The following PACRG variants were observed in gnomAD, a reference collection of about 807,000 sequenced individuals.
PACRG encodes parkin coregulated gene protein.
PACRG carries 29 observed loss-of-function variants against 29.7 expected under a neutral mutation model. The ratio of observed to expected loss-of-function variants is 0.98; its 90% CI spans 0.73 to 1.33. PACRG has a LOEUF of 1.33. Ranked by LOEUF, PACRG falls within the 40% of genes most tolerant of loss-of-function variation. The pLI, the probability that PACRG is intolerant of heterozygous loss-of-function variation, is 0.00. For synonymous variants in PACRG, 116 were observed against 118.7 expected (o/e 0.98, Z 0.15); for missense variants, 279 against 316.2 (o/e 0.88, Z 0.89).
chr6:163,192,653 CTT>C (rs60416074), intron 4 of PACRG, among the ~76,000 whole-genome samples: 1 of 151,968 alleles, frequency 6.6e-6, no homozygotes, highest in African/African-American at 2.4e-5. Flanking sequence ...ATTTTAAATA[CTT>C]TTTTTTATCA....
intron 4 of PACRG, among the ~76,000 whole-genome samples, chr6:163,227,079 TA>T (rs1469564027): frequency 6.6e-6 from 1 of 152,172 alleles, no homozygotes; most frequent in African/African-American, 2.4e-5. Flanking sequence ...CTGCTTGTAT[TA>T]GGCCATTCTT....
intron 2 of PACRG, among the ~76,000 whole-genome samples, chr6:162,919,028 G>A (rs1242104779): frequency 6.6e-6 from 1 of 152,120 alleles, no homozygotes; most frequent in Non-Finnish European, 1.5e-5. Flanking sequence ...TTGACCTAGA[G>A]GGGATGAAGC....
intron 2 of PACRG, among the ~76,000 whole-genome samples, chr6:162,944,132 C>A (rs9347709): frequency 0.66 from 100,141 of 152,100 alleles, 33,140 homozygotes; most frequent in East Asian, 0.79. Context: ...CCTACCTGTC[C>A]TCCTTATCTC....
rs568644577 is a variant in PACRG at position 163,206,555 on chromosome 6, G to C, written c.614-108272G>C. Among the ~76,000 whole-genome samples the C allele has an allele frequency of 3.3e-5, 5 of 152,272 alleles. No homozygotes were observed. The South Asian group carries it at 1.0e-3, about 32-fold the overall frequency. The stretch of plus-strand genomic sequence containing the variant: ...AGGCTTCAGGGATTACTTGAGGCTG[G>C]AGGCTGGGAGAAGGGAGAGGATCAA... On this transcript the variant is annotated intron_variant, in intron 4 of 4. Coordinates refer to ENST00000366888, the MANE Select transcript of PACRG (RefSeq NM_001080379.2).
intron 2 of PACRG, among the ~76,000 whole-genome samples, chr6:163,017,766 T>C (rs1436195597): frequency 6.6e-6 from 1 of 152,200 alleles, no homozygotes; most frequent in Non-Finnish European, 1.5e-5. Context: ...AGAGAGTTAC[T>C]ACTCTTAAAA....
chr6:162,830,110 C>T (rs1485016256), intron 2 of PACRG, among the ~76,000 whole-genome samples: 1 of 152,110 alleles, frequency 6.6e-6, no homozygotes, highest in African/African-American at 2.4e-5. Context: ...TCTTCTCTCA[C>T]CCTCTTGCCC....
At position 163,055,223 on chromosome 6, in the gene PACRG, C is replaced by G. The variant is rs982692538; in HGVS notation, c.292-6927C>G. 6.6e-6 allele frequency among the ~76,000 whole-genome samples: 1 copy of G among 151,966 alleles called. No individual in the cohort carries two copies. The highest frequency in any genetic ancestry group is 2.4e-5 in the African/African-American group (1 of 41,362). ...ACCGGGGACAGTGTGGAAATGGAGC[C>G]GTGACTGGGGATAGTGTGGAAATGG... is the stretch of plus-strand genomic sequence containing the variant. On this transcript the variant is annotated intron_variant, in intron 2 of 4. Transcript: ENST00000366888. This position sits in a 1 kb window ranked among gnomAD's most constrained non-coding sequence, Gnocchi z 4.0.
chr6:163,240,820 T>C (rs1782474886), intron 4 of PACRG, among the ~76,000 whole-genome samples: 1 of 152,222 alleles, frequency 6.6e-6, no homozygotes, highest in South Asian at 2.1e-4. Flanking sequence ...GTTTGCCCGG[T>C]GACCTCGACC....
At chr6:163,000,688 T>G (rs1804509213) in intron 2 of PACRG, among the ~76,000 whole-genome samples, 1 of 152,154 alleles carries the variant, frequency 6.6e-6, no homozygotes, top group Non-Finnish European at 1.5e-5. Context: ...ACTCAACAAA[T>G]GGAAATTCAC....
At position 163,258,754 on chromosome 6, in the gene PACRG, C is replaced by CAA. The variant is rs11335989; in HGVS notation, c.614-56058_614-56057dup. On this transcript the variant is annotated intron_variant, in intron 4 of 4. Coordinates refer to ENST00000366888, the MANE Select transcript of PACRG (RefSeq NM_001080379.2). ...CCTGGGTGACAGCGAGAATCCATCT[C>CAA]AAAAAAAAAAAAAAAATCAATAGTC... Among the ~76,000 whole-genome samples, 770 of 121,402 alleles carry CAA rather than the reference C, an allele frequency of 6.3e-3. 3 individuals carry two copies. The highest frequency in any genetic ancestry group is 7.9e-3 in the Non-Finnish European group (459 of 57,770). The allele number at this position is 121,402 out of a possible 152,430, so 79.6% of individuals were successfully genotyped here. A position where few individuals can be genotyped will look rare whatever the true frequency, so the allele number is the denominator to read the frequency against.
intron 4 of PACRG, among the ~76,000 whole-genome samples, chr6:163,212,930 C>G (rs575891539): frequency 1.3e-5 from 2 of 152,154 alleles, no homozygotes; most frequent in African/African-American, 4.8e-5. Context: ...AGGCACCCAC[C>G]ACCACGCCCA....
At chr6:162,996,222 T>C (rs1375028235) in intron 2 of PACRG, among the ~76,000 whole-genome samples, 1 of 152,146 alleles carries the variant, frequency 6.6e-6, no homozygotes, top group Non-Finnish European at 1.5e-5. Flanking sequence ...TGGTGATCAT[T>C]TCACAGTGTA....
chr6:163,314,866 GGGAGAACATTGGGGACTTGATCCA>G lies in PACRG; in HGVS notation c.659_682del (p.Asn220_Glu227del), dbSNP rs1296914053. ...GGCATTGACTACAGCCAGCAGAAGA[GGGAGAACATTGGGGACTTGATCCA>G]GGAGACACTGGAGGCCTTCGAGCGC... On this transcript the variant is annotated inframe_deletion, in exon 5 of 5. Transcript: ENST00000366888. 1 of 1,614,160 alleles carries G rather than the reference GGGAGAACATTGGGGACTTGATCCA, an allele frequency of 6.2e-7. No homozygotes were observed. Among genetic ancestry groups the G allele is most frequent in the Admixed American group, 1.7e-5 (1 of 60,030 alleles).
At chr6:162,965,093 C>T (rs973067566) in intron 2 of PACRG, among the ~76,000 whole-genome samples, 5 of 152,064 alleles carry the variant, frequency 3.3e-5, no homozygotes, top group Non-Finnish European at 7.4e-5. Context: ...GGGTAGGGTG[C>T]GAGTAGACAC....
At chr6:163,200,503 A>C (rs765503740) in intron 4 of PACRG, among the ~76,000 whole-genome samples, 1 of 152,182 alleles carries the variant, frequency 6.6e-6, no homozygotes, top group Non-Finnish European at 1.5e-5. Flanking sequence ...CACGTGTCGC[A>C]TACTTCCCAG....
chr6:163,197,434 CTT>C lies in PACRG; in HGVS notation c.613+108050_613+108051del, dbSNP rs57942658. ...ACTGGTGGCTATTTTCTTTTCTTTT[CTT>C]TTTTTTTTTTTTTTTTTTTTTTTGT... On this transcript the variant is annotated intron_variant, in intron 4 of 4. Coordinates refer to ENST00000366888, the MANE Select transcript of PACRG (RefSeq NM_001080379.2). Among the ~76,000 whole-genome samples, 602 of 106,086 alleles carry C rather than the reference CTT, an allele frequency of 5.7e-3. 1 individual carries two copies. The highest frequency in any genetic ancestry group is 0.016 in the South Asian group (46 of 2,906). 69.6% of individuals were successfully genotyped at this position (106,086 alleles called of 152,430 possible).
At chr6:162,757,776 T>C (rs1172862694) in intron 1 of PACRG, among the ~76,000 whole-genome samples, 1 of 152,004 alleles carries the variant, frequency 6.6e-6, no homozygotes, top group Non-Finnish European at 1.5e-5. Flanking sequence ...GGAAGTAAGA[T>C]ACATTGGCTT....
chr6:163,304,077 G>GT (rs1234936728), intron 4 of PACRG, among the ~76,000 whole-genome samples: 5 of 132,584 alleles, frequency 3.8e-5, no homozygotes, highest in Non-Finnish European at 8.1e-5. Context: ...TGAACAAAAA[G>GT]TTTTTTTTCT....
chr6:163,300,088 C>G (rs1016319446), intron 4 of PACRG, among the ~76,000 whole-genome samples: 8 of 152,190 alleles, frequency 5.3e-5, no homozygotes, highest in African/African-American at 1.9e-4. Context: ...GGAGGTAACA[C>G]TGGGGTGAAG....
Sources: allele counts gnomAD v4.1 joint callset (sites outside exome capture counted in the v4.1 genomes callset), GRCh38; gene constraint gnomAD v4.1.1; non-coding constraint Gnocchi (gnomAD v3.1); transcripts MANE v1.5; gene names NCBI Gene and HGNC (gene_info 2026-07-23, HGNC 2026-07-21).